The following NF1 variants were observed in gnomAD, a reference collection of about 807,000 sequenced individuals.
The protein encoded by NF1 is neurofibromin.
Under a neutral mutation model 325.7 loss-of-function variants are expected in NF1, and 122 were observed. The observed-to-expected ratio is 0.37, with a 90% CI of 0.32 to 0.44. The LOEUF (loss-of-function observed/expected upper bound fraction) is 0.44, where lower values mean the gene tolerates loss of function less well. Ranked by LOEUF, NF1 falls within the 20% of genes least tolerant of loss-of-function variation. The pLI is 1.00. For synonymous variants in NF1, 1,091 were observed against 1,186.0 expected (o/e 0.92, Z 1.65); for missense variants, 2,140 against 3,415.4 (o/e 0.63, Z 9.31).
chr17:31,196,923 T>A (rs571960289), intron 8 of NF1, among the ~76,000 whole-genome samples: 1 of 152,346 alleles, frequency 6.6e-6, no homozygotes, highest in Admixed American at 6.5e-5. Flanking sequence ...ATTGTTTTGA[T>A]TACTGTAGCT....
At chr17:31,312,534 A>G (rs1225174923) in intron 36 of NF1, among the ~76,000 whole-genome samples, 1 of 151,798 alleles carries the variant, frequency 6.6e-6, no homozygotes, top group Non-Finnish European at 1.5e-5. Flanking sequence ...AAAAAAAAAA[A>G]AGTATGGGAT....
chr17:31,243,214 T>TGTG (rs1369781933), intron 29 of NF1, among the ~76,000 whole-genome samples: 4 of 70,488 alleles, frequency 5.7e-5, no homozygotes, highest in African/African-American at 1.8e-4. Context: ...GTGTGTGTGT[T>TGTG]GAGCTGCCTG....
intron 29 of NF1, among the ~76,000 whole-genome samples, chr17:31,240,416 T>A (rs879868820): frequency 2.0e-5 from 3 of 152,252 alleles, no homozygotes; most frequent in Non-Finnish European, 4.4e-5. Flanking sequence ...AGGAATCTCA[T>A]GTTTTGTGTC....
chr17:31,197,838 C>T (rs2066461359), intron 8 of NF1, among the ~76,000 whole-genome samples: 1 of 152,110 alleles, frequency 6.6e-6, no homozygotes, highest in Non-Finnish European at 1.5e-5. Context: ...TAGTATTATG[C>T]CAAATAGAAG....
At position 31,375,918 on chromosome 17, in the gene NF1, T is replaced by C; in HGVS notation, c.*1763T>C. 1 of 232,912 alleles carries C rather than the reference T, an allele frequency of 4.3e-6. No homozygotes were observed. The highest frequency in any genetic ancestry group is 5.6e-5 in the Admixed American group (1 of 17,774). The allele number at this position is 232,912 out of a possible 1,614,324, so 14.4% of individuals were successfully genotyped here. A position where few individuals can be genotyped will look rare whatever the true frequency, so the allele number is the denominator to read the frequency against. ...AAAATAAGAGGAAAGAAAACCTTAG[T>C]ATTATTAATGAGTTTACCATAGAAT... On this transcript the variant is annotated 3_prime_UTR_variant, in exon 58 of 58. Coordinates refer to ENST00000358273, the MANE Select transcript of NF1 (RefSeq NM_001042492.3).
chr17:31,352,442 T>G, intron 51 of NF1, 28 bp downstream of exon 51: 1 of 1,500,892 alleles, frequency 6.7e-7, no homozygotes, highest in Non-Finnish European at 8.9e-7. Flanking sequence ...ATGTAGATTT[T>G]TTTTATTATT....
intron 1 of NF1, among the ~76,000 whole-genome samples, chr17:31,119,067 C>T (rs1914205064): frequency 6.6e-6 from 1 of 151,956 alleles, no homozygotes; most frequent in Non-Finnish European, 1.5e-5. Context: ...TCAGCCTCTC[C>T]ACTAGCTGGG....
intron 36 of NF1, chr17:31,318,954 T>C (rs1388250932): frequency 1.9e-6 from 3 of 1,613,484 alleles, no homozygotes; most frequent in Admixed American, 1.7e-5. Flanking sequence ...AAGAAAAAAC[T>C]GTTGTCATCA....
intron 36 of NF1, among the ~76,000 whole-genome samples, chr17:31,267,712 G>A (rs906342189): frequency 2.0e-5 from 3 of 152,046 alleles, no homozygotes; most frequent in African/African-American, 7.3e-5. Context: ...TTTCCTTATC[G>A]ATGGTCCACA....
At chr17:31,119,604 T>C (rs1304178017) in intron 1 of NF1, among the ~76,000 whole-genome samples, 1 of 152,172 alleles carries the variant, frequency 6.6e-6, no homozygotes, top group Non-Finnish European at 1.5e-5. Flanking sequence ...GCAGAAGCTC[T>C]TTAATTTAAT....
intron 1 of NF1, among the ~76,000 whole-genome samples, chr17:31,103,125 G>A (rs186473812): frequency 4.0e-5 from 6 of 151,300 alleles, no homozygotes; most frequent in Admixed American, 3.9e-4. Context: ...ATAGGCATAA[G>A]CTGTGGTGCT....
At chr17:31,175,862 C>G (rs2066013361) in intron 5 of NF1, among the ~76,000 whole-genome samples, 1 of 152,184 alleles carries the variant, frequency 6.6e-6, no homozygotes, top group Non-Finnish European at 1.5e-5. Context: ...TTATCCTTTT[C>G]TATGTCAGCA....
chr17:31,251,151 T>C (rs568941456), intron 30 of NF1: 11 of 199,552 alleles, frequency 5.5e-5, no homozygotes, highest in Middle Eastern at 3.5e-3. Context: ...TTTCTTTTGG[T>C]TTGCTCTTTT....
rs566803471 is a variant in NF1 at position 31,305,420 on chromosome 17, C to T, written c.4836-20400C>T. The T allele has an allele frequency of 3.9e-5, 63 of 1,614,070 alleles. No individual in the cohort carries two copies. The South Asian group carries it at 4.3e-4, about 11-fold the overall frequency. ...GATATTGATTGTCCAGAAAAAGTGT[C>T]GCTGAATTGTGTTGGTTGACCCAAA... On this transcript the variant is annotated intron_variant, in intron 36 of 57. Transcript: ENST00000358273.
intron 5 of NF1, among the ~76,000 whole-genome samples, chr17:31,175,838 C>A (rs2905805): frequency 0.54 from 81,519 of 151,998 alleles, 25,719 homozygotes; most frequent in Middle Eastern, 0.76. Context: ...CATGTCCCTG[C>A]AAAGGACGGG....
intron 4 of NF1, among the ~76,000 whole-genome samples, chr17:31,168,105 A>T (rs1337925363): frequency 6.6e-6 from 1 of 152,206 alleles, no homozygotes; most frequent in Non-Finnish European, 1.5e-5. Flanking sequence ...AATTCAAATT[A>T]TACTTTTACT....
intron 29 of NF1, among the ~76,000 whole-genome samples, chr17:31,239,008 C>T (rs1246500659): frequency 5.9e-5 from 9 of 152,202 alleles, no homozygotes; most frequent in Admixed American, 2.0e-4. Context: ...TGACCCAATA[C>T]ATCTTGTCTG....
chr17:31,176,714 T>A (rs778667118), intron 5 of NF1, among the ~76,000 whole-genome samples: 2 of 152,176 alleles, frequency 1.3e-5, no homozygotes, highest in Non-Finnish European at 2.9e-5. Flanking sequence ...CCAGTTTCAG[T>A]TTTCTGCATA....
chr17:31,212,787 T>C (rs1329599006), intron 12 of NF1, among the ~76,000 whole-genome samples: 1 of 152,074 alleles, frequency 6.6e-6, no homozygotes, highest in African/African-American at 2.4e-5. Flanking sequence ...CTGTACATAA[T>C]TGTATGTGCT....
Sources: gnomAD v4.1 joint callset for allele counts (sites outside exome capture counted in the v4.1 genomes callset) on GRCh38, gnomAD v4.1.1 for gene constraint, MANE v1.5 for transcripts, NCBI Gene and HGNC (gene_info 2026-07-23, HGNC 2026-07-21) for gene names.